PHRF1: variants seen among roughly 807,000 people sequenced by gnomAD.
PHRF1 encodes PHD and ring finger domains 1.
In PHRF1, 53 loss-of-function variants were observed where a neutral mutation model predicts 128.9. The observed-to-expected ratio is 0.41, with a 90% CI of 0.33 to 0.52. The LOEUF is 0.52. Ranked by LOEUF, PHRF1 falls within the 20% of genes least tolerant of loss-of-function variation. The pLI is 0.21. For synonymous variants in PHRF1, 1,178 were observed against 980.6 expected, an observed-to-expected ratio of 1.20 and a Z score of -3.76; for missense variants, 2,503 against 2,284.5, an observed-to-expected ratio of 1.10 and a Z score of -1.95.
rs745824614 is a variant in PHRF1, at chr11:607,369, A to G, written c.1913A>G (p.His638Arg). ...HSPWFNGTNK[H>R]TLPLASAASK... ...CCCTGGTTCAACGGCACCAACAAGC[A>G]CACCTTGCCCCTTGCCTCTGCCGCG... The change falls in exon 14 of 18, where the codon CAC becomes CGC. Residue 638 changes from histidine (H) to arginine (R), a missense_variant. Transcript: ENST00000264555. The G allele has an allele frequency of 3.7e-6, 6 of 1,612,754 alleles. No individual in the cohort carries two copies. The highest frequency in any genetic ancestry group is 5.1e-6 in the Non-Finnish European group (6 of 1,179,878).
At chr11:604,040 G>A (rs56413249) in intron 10 of PHRF1, among the ~76,000 whole-genome samples, 7,022 of 152,186 alleles carry the variant, frequency 0.046, 243 homozygotes, top group South Asian at 0.1. Context: ...TCGAACATCC[G>A]ATCTGTTTAT....
At position 610,225 on chromosome 11, in the gene PHRF1, C is replaced by T. The variant is rs948118817; in HGVS notation, c.4294C>T (p.Arg1432Ter). Residue 1432 changes from arginine to a stop codon, truncating the protein, a stop_gained, in exon 15 of 18, where the codon CGA (arginine) becomes TGA (stop). Coordinates refer to ENST00000264555, the MANE Select transcript of PHRF1 (RefSeq NM_001286581.2). LOFTEE classifies it high-confidence loss of function. ...RAPLHRPQKP[R>*]EGAWDMEDVA... is the part of the protein sequence containing the mutation. Reference sequence around the variant, plus strand: ...ACCACTTCACAGGCCACAGAAGCCCCGAGAAGGAGCCTGGGACATGGAGGA... The same window carrying T: ...ACCACTTCACAGGCCACAGAAGCCCTGAGAAGGAGCCTGGGACATGGAGGA... 1.3e-6 allele frequency: 2 copies of T among 1,544,834 alleles called. No individual in the cohort carries two copies. The highest frequency in any genetic ancestry group is 1.7e-6 in the Non-Finnish European group (2 of 1,143,184).
At chr11:601,817 G>C in intron 10 of PHRF1, 116 bp downstream of exon 10, 1 of 1,305,022 alleles carries the variant, frequency 7.7e-7, no homozygotes, top group Non-Finnish European at 1.1e-6. Context: ...TTATGGAGCA[G>C]GGATCATCAT....
chr11:602,517 C>T (rs1184624953), intron 10 of PHRF1, among the ~76,000 whole-genome samples: 1 of 151,984 alleles, frequency 6.6e-6, no homozygotes, highest in African/African-American at 2.4e-5. Flanking sequence ...CCCATCTCTA[C>T]TAAAAAGACT....
chr11:608,234 G>A lies in PHRF1; in HGVS notation c.2778G>A (p.Gln926=). 2 of 1,609,938 alleles carry A rather than the reference G, an allele frequency of 1.2e-6. No individual in the cohort carries two copies. Among genetic ancestry groups the A allele is most frequent in the Non-Finnish European group, 1.7e-6 (2 of 1,179,778 alleles). The change falls in exon 14 of 18, where the codon CAG becomes CAA. Residue 926 remains glutamine, a synonymous_variant. Coordinates refer to ENST00000264555, the MANE Select transcript of PHRF1 (RefSeq NM_001286581.2). Reference sequence around the variant, plus strand: ...AGCGAGAGGAGCCCACAGAGAGCCAGGGCCTGGCTGCCCGGCTGCGGAGGC... The same window carrying A: ...AGCGAGAGGAGCCCACAGAGAGCCAAGGCCTGGCTGCCCGGCTGCGGAGGC... ...DTEREEPTES[Q]GLAARLRRPS... is the part of the protein sequence containing the mutation.
At chr11:581,640 A>T in intron 2 of PHRF1, 34 bp downstream of exon 2, 1 of 1,573,610 alleles carries the variant, frequency 6.4e-7, no homozygotes, top group Non-Finnish European at 8.7e-7. Flanking sequence ...GGGCGTCCCC[A>T]GGAGGAGCAG....
Position 608,732 on chromosome 11 carries a change from G to A in PHRF1, c.3276G>A (p.Arg1092=), listed in dbSNP as rs888965370. The change falls in exon 14 of 18, where the codon CGG becomes CGA. Residue 1092 remains arginine, a synonymous_variant. Coordinates refer to ENST00000264555, the MANE Select transcript of PHRF1 (RefSeq NM_001286581.2). ...WGHSRRTSRS[R]SGSPGSSSYE... is the part of the protein sequence containing the mutation. ...ACAGCCGGAGGACGTCCCGGTCGCG[G>A]TCGGGGAGCCCTGGCAGCTCTTCCT... The A allele has an allele frequency of 6.2e-7, 1 of 1,611,206 alleles. No individual in the cohort carries two copies. Among genetic ancestry groups the A allele is most frequent in the African/African-American group, 1.3e-5 (1 of 74,808 alleles).
intron 1 of PHRF1, among the ~76,000 whole-genome samples, chr11:580,603 C>A (rs187331752): frequency 2.0e-5 from 3 of 152,336 alleles, no homozygotes; most frequent in African/African-American, 7.2e-5. Context: ...CACTGAGGCC[C>A]CTCTTGTGCC....
chr11:587,581 C>T, intron 4 of PHRF1, 117 bp downstream of exon 4: 1 of 1,040,450 alleles, frequency 9.6e-7, no homozygotes, highest in East Asian at 2.5e-5. Flanking sequence ...GCGGCTGACC[C>T]TGGGGCCACA....
Position 607,370 on chromosome 11 carries a change from C to T in PHRF1, c.1914C>T (p.His638=), listed in dbSNP as rs1416267228. ...HSPWFNGTNK[H]TLPLASAASK... is the part of the protein sequence containing the mutation. ...CCTGGTTCAACGGCACCAACAAGCACACCTTGCCCCTTGCCTCTGCCGCGT... is the reference window on the plus strand; with the variant it reads ...CCTGGTTCAACGGCACCAACAAGCATACCTTGCCCCTTGCCTCTGCCGCGT... Residue 638 remains histidine, a synonymous_variant, in exon 14 of 18, where the codon CAC becomes CAT. Transcript: ENST00000264555. The T allele has an allele frequency of 1.4e-5, 22 of 1,612,712 alleles. No individual in the cohort carries two copies. Among genetic ancestry groups the T allele is most frequent in the South Asian group, 2.2e-5 (2 of 91,096 alleles).
chr11:598,360 C>T lies in PHRF1; in HGVS notation c.895-13C>T, dbSNP rs1401228224. ...CCCAAGGGCATCTGACGGCACCACC[C>T]CTTTGCCTGTAGCACACACCAGGGC... On this transcript the variant is annotated splice_polypyrimidine_tract_variant and intron_variant, in intron 8 of 17. Transcript: ENST00000264555. 2 of 1,605,544 alleles carry T rather than the reference C, an allele frequency of 1.2e-6. No homozygotes were observed. Among genetic ancestry groups the T allele is most frequent in the Non-Finnish European group, 1.7e-6 (2 of 1,179,064 alleles).
intron 6 of PHRF1, among the ~76,000 whole-genome samples, 163 bp downstream of exon 6, chr11:592,837 T>TA (rs1280026720): frequency 1.3e-5 from 2 of 152,250 alleles, no homozygotes; most frequent in African/African-American, 4.8e-5. Flanking sequence ...GCCTTCCTGT[T>TA]ACACTCATTT....
chr11:611,489 C>A, intron 17 of PHRF1, 145 bp from the exon 18 acceptor site: 3 of 1,137,482 alleles, frequency 2.6e-6, no homozygotes, highest in Non-Finnish European at 3.7e-6. Context: ...ATAGGTGGGG[C>A]GGCCTCTGCC....
At chr11:611,525 G>A in intron 17 of PHRF1, 109 bp from the exon 18 acceptor site, 1 of 1,482,914 alleles carries the variant, frequency 6.7e-7, no homozygotes, top group East Asian at 2.3e-5. Flanking sequence ...GCTGCACCTA[G>A]GGCCTGCTCC....
At chr11:609,877 C>G (rs918688910) in intron 14 of PHRF1, among the ~76,000 whole-genome samples, 157 bp downstream of exon 14, 1 of 151,826 alleles carries the variant, frequency 6.6e-6, no homozygotes, top group Admixed American at 6.6e-5. Context: ...GAACAGAGCC[C>G]CCTGTGAATC....
At chr11:590,174 G>T (rs1370614600) in intron 4 of PHRF1, among the ~76,000 whole-genome samples, 1 of 152,258 alleles carries the variant, frequency 6.6e-6, no homozygotes, top group East Asian at 1.9e-4. Flanking sequence ...ACCATGGGGG[G>T]TGCTGCCGCA....
At chr11:594,301 C>T (rs909501507) in intron 6 of PHRF1, among the ~76,000 whole-genome samples, 2 of 152,256 alleles carry the variant, frequency 1.3e-5, no homozygotes, top group Admixed American at 6.5e-5. Flanking sequence ...CCACAGGCAC[C>T]GTCTTGGGCA....
Position 582,072 on chromosome 11 carries a change from G to A in PHRF1, c.205G>A (p.Asp69Asn). Residue 69 changes from aspartate (D) to asparagine (N), a missense_variant, in exon 3 of 18, where the codon GAC becomes AAC. By Grantham distance (23) the Asp-to-Asn change is conservative. Coordinates refer to ENST00000264555, the MANE Select transcript of PHRF1 (RefSeq NM_001286581.2). Reference protein sequence around the residue: ...EGASEEEDLEDRSGSEDSEDD... With the variant: ...EGASEEEDLENRSGSEDSEDD... ...GGCGTCTGAGGAGGAAGACCTGGAAGACAGATCTGGTGAGACAGCTGGTGT... is the reference window on the plus strand; with the variant it reads ...GGCGTCTGAGGAGGAAGACCTGGAAAACAGATCTGGTGAGACAGCTGGTGT... The A allele has an allele frequency of 6.3e-7, 1 of 1,594,792 alleles. No homozygotes were observed. Among genetic ancestry groups the A allele is most frequent in the South Asian group, 1.1e-5 (1 of 87,620 alleles).
intron 10 of PHRF1, among the ~76,000 whole-genome samples, chr11:602,955 G>T (rs2133039460): frequency 6.6e-6 from 1 of 151,984 alleles, no homozygotes; most frequent in East Asian, 1.9e-4. Context: ...TAGAGATAGG[G>T]TTTCACCATG....
Sources: allele counts gnomAD v4.1 joint callset (sites outside exome capture counted in the v4.1 genomes callset), GRCh38; gene constraint gnomAD v4.1.1; transcripts MANE v1.5; gene names NCBI Gene and HGNC (gene_info 2026-07-23, HGNC 2026-07-21).